Variants in SUZ12 observed in about 807,000 individuals in gnomAD.
The protein encoded by SUZ12 is SUZ12 polycomb repressive complex 2 subunit, also known as polycomb protein SUZ12.
Under a neutral mutation model 87.3 loss-of-function variants are expected in SUZ12, and 17 were observed. The observed-to-expected ratio is 0.19, with a 90% CI of 0.13 to 0.29. SUZ12 has a LOEUF of 0.29. Ranked by LOEUF, SUZ12 falls within the 10% of genes least tolerant of loss-of-function variation. SUZ12 has a pLI of 1.00. For synonymous variants in SUZ12, 253 were observed against 312.4 expected, an observed-to-expected ratio of 0.81 and a Z score of 2.01; for missense variants, 526 against 912.2, an observed-to-expected ratio of 0.58 and a Z score of 5.45.
At chr17:31,965,358 G>A (rs1908026349) in intron 4 of SUZ12, among the ~76,000 whole-genome samples, 1 of 152,050 alleles carries the variant, frequency 6.6e-6, no homozygotes. Flanking sequence ...ACTGTATTGT[G>A]TTTTGCAGTT....
chr17:31,980,376 G>GCTATTTT (rs1472042621), intron 8 of SUZ12, among the ~76,000 whole-genome samples: 1 of 135,300 alleles, frequency 7.4e-6, no homozygotes, highest in African/African-American at 2.7e-5. Context: ...TTTTGTTGCT[G>GCTATTTT]CTATTTTTTC....
chr17:31,982,890 C>G, intron 8 of SUZ12, 109 bp from the exon 9 acceptor site: 3 of 1,363,030 alleles, frequency 2.2e-6, no homozygotes, highest in Non-Finnish European at 3.0e-6. Context: ...GGTATGTAAG[C>G]TAGTTTATAA....
chr17:31,979,298 ACT>A (rs1176039842), intron 8 of SUZ12, among the ~76,000 whole-genome samples: 4 of 151,704 alleles, frequency 2.6e-5, no homozygotes, highest in Admixed American at 6.6e-5. Context: ...TCATTTATAA[ACT>A]CTCTTGCATG....
intron 8 of SUZ12, among the ~76,000 whole-genome samples, chr17:31,976,856 A>G (rs562787001): frequency 1.3e-5 from 2 of 152,206 alleles, no homozygotes; most frequent in East Asian, 1.9e-4. Flanking sequence ...CTGAGTGTCT[A>G]CTCTTTGCCA....
At chr17:31,973,593 A>G (rs1908567221) in intron 6 of SUZ12, among the ~76,000 whole-genome samples, 1 of 152,208 alleles carries the variant, frequency 6.6e-6, no homozygotes, top group South Asian at 2.1e-4. Context: ...AGTTTTTTCC[A>G]CAAGATTATC....
chr17:31,960,368 G>A (rs1382767908), intron 4 of SUZ12, among the ~76,000 whole-genome samples: 1 of 151,840 alleles, frequency 6.6e-6, no homozygotes, highest in African/African-American at 2.4e-5. Flanking sequence ...CTGCCACCAC[G>A]GCCAGCTAAT....
intron 8 of SUZ12, among the ~76,000 whole-genome samples, 170 bp from the exon 9 acceptor site, chr17:31,982,829 A>T (rs1335806362): frequency 1.3e-5 from 2 of 152,210 alleles, no homozygotes; most frequent in African/African-American, 4.8e-5. Flanking sequence ...TACATCATTA[A>T]AATTGCTTTC....
In SUZ12 at chr17:31,979,125, AG is replaced by A. The variant is rs1567830321; in HGVS notation, c.917+2512del. 1.4e-3 allele frequency among the ~76,000 whole-genome samples: 201 copies of A among 144,412 alleles called. 4 individuals are homozygous for A. The highest frequency in any genetic ancestry group is 3.5e-3 in the East Asian group (17 of 4,926). 94.7% of individuals were successfully genotyped at this position (144,412 alleles called of 152,430 possible). A position where few individuals can be genotyped will look rare whatever the true frequency, so the allele number is the denominator to read the frequency against. ...CTCCAAAAAAAAAAAAAAAAAAAAAAGAATTCAAAACGATAGGAAAGTTGAA... is the reference window on the plus strand; with the variant it reads ...CTCCAAAAAAAAAAAAAAAAAAAAAAAATTCAAAACGATAGGAAAGTTGAA... On this transcript the variant is annotated intron_variant, in intron 8 of 15. Transcript: ENST00000322652.
Position 31,995,879 on chromosome 17 carries a change from A to G in SUZ12, c.1794+117A>G, listed in dbSNP as rs1409656812. On this transcript the variant is annotated intron_variant, in intron 14 of 15. Coordinates refer to ENST00000322652, the MANE Select transcript of SUZ12 (RefSeq NM_015355.4). ...ACTTTTTTTAAAAAAAAAAAAAGGA[A>G]TCCGGAAATGTACAGGTTTTAAAAT... 3.7e-6 allele frequency: 3 copies of G among 806,270 alleles called. No individual in the cohort carries two copies. The African/African-American group carries it at 5.2e-5, about 14-fold the overall frequency. The allele number at this position is 806,270 out of a possible 1,614,324, so 49.9% of individuals were successfully genotyped here.
At chr17:31,967,229 C>T (rs557838820) in intron 5 of SUZ12, 1 of 150,128 alleles carries the variant, frequency 6.7e-6, no homozygotes, top group Non-Finnish European at 1.5e-5. Flanking sequence ...AATCACTTAT[C>T]AGCTTATCCA....
At chr17:31,989,818 C>T (rs1909619328) in intron 10 of SUZ12, among the ~76,000 whole-genome samples, 1 of 147,266 alleles carries the variant, frequency 6.8e-6, no homozygotes, top group South Asian at 2.2e-4. Context: ...ACCTTGTTAG[C>T]CAGGATGGTC....
intron 5 of SUZ12, chr17:31,967,164 A>G (rs926773819): frequency 3.3e-5 from 5 of 150,304 alleles, no homozygotes; most frequent in Non-Finnish European, 7.4e-5. Context: ...GCGTTACTGC[A>G]CTCCAGCCTG....
At chr17:31,977,878 G>A (rs533528911) in intron 8 of SUZ12, among the ~76,000 whole-genome samples, 1 of 152,284 alleles carries the variant, frequency 6.6e-6, no homozygotes, top group African/African-American at 2.4e-5. Context: ...GACAGAGCAA[G>A]ACTCTTGTCT....
intron 4 of SUZ12, among the ~76,000 whole-genome samples, chr17:31,949,746 C>T (rs1366518017): frequency 3.4e-5 from 4 of 117,818 alleles, no homozygotes; most frequent in African/African-American, 9.8e-5. Flanking sequence ...AGTGCAGTGG[C>T]GCGATCTTGG....
At chr17:31,963,060 T>C (rs1362814221) in intron 4 of SUZ12, among the ~76,000 whole-genome samples, 1 of 150,842 alleles carries the variant, frequency 6.6e-6, no homozygotes, top group Non-Finnish European at 1.5e-5. Context: ...AAATAGCACG[T>C]AGAAATCTGA....
intron 4 of SUZ12, among the ~76,000 whole-genome samples, chr17:31,951,890 G>T (rs1907008264): frequency 6.6e-6 from 1 of 150,446 alleles, no homozygotes; most frequent in East Asian, 2.0e-4. Context: ...TTCTCCTGCC[G>T]CAGCCTCCCT....
At chr17:31,968,237 A>G (rs1908210796) in intron 5 of SUZ12, among the ~76,000 whole-genome samples, 1 of 152,006 alleles carries the variant, frequency 6.6e-6, no homozygotes, top group South Asian at 2.1e-4. Context: ...CCATTTTTTA[A>G]TGACTCTTTG....
At chr17:31,944,857 G>A (rs975409738) in intron 3 of SUZ12, among the ~76,000 whole-genome samples, 7 of 152,060 alleles carry the variant, frequency 4.6e-5, no homozygotes, top group South Asian at 2.1e-4. Context: ...ATTTAAAGGC[G>A]AGAGTTATAG....
At chr17:31,944,664 G>A (rs1052131756) in intron 3 of SUZ12, among the ~76,000 whole-genome samples, 9 of 152,100 alleles carry the variant, frequency 5.9e-5, no homozygotes, top group African/African-American at 2.2e-4. Context: ...AGTTCCTACA[G>A]AAATGGGTAG....
Sources: allele counts gnomAD v4.1 joint callset (sites outside exome capture counted in the v4.1 genomes callset), GRCh38; gene constraint gnomAD v4.1.1; transcripts MANE v1.5; gene names NCBI Gene and HGNC (gene_info 2026-07-23, HGNC 2026-07-21).